Variants in ZDHHC14 observed in about 807,000 individuals in gnomAD.
The protein encoded by ZDHHC14 is zDHHC palmitoyltransferase 14, also known as palmitoyltransferase ZDHHC14.
Under a neutral mutation model 47.7 loss-of-function variants are expected in ZDHHC14, and 16 were observed. That is an observed-to-expected ratio of 0.34 (90% CI 0.23 to 0.51). The LOEUF is 0.51. Among genes scored for constraint, ZDHHC14 ranks in the 20% least tolerant of loss-of-function variants. The probability of loss-of-function intolerance (pLI) is 0.97; values close to 1 mark genes in which losing one functional copy is unlikely to be tolerated. For synonymous variants in ZDHHC14, 293 were observed against 278.9 expected (o/e 1.05, Z -0.50); for missense variants, 515 against 662.5 (o/e 0.78, Z 2.44).
intron 2 of ZDHHC14, among the ~76,000 whole-genome samples, chr6:157,572,909 A>G (rs969699860): frequency 1.3e-5 from 2 of 151,882 alleles, no homozygotes; most frequent in Non-Finnish European, 1.5e-5. Flanking sequence ...TCCCCCGTCA[A>G]TTCCTTGTTA....
intron 2 of ZDHHC14, among the ~76,000 whole-genome samples, chr6:157,568,440 A>G (rs1782984850): frequency 7.2e-6 from 1 of 138,232 alleles, no homozygotes; most frequent in South Asian, 2.4e-4. Context: ...TTGAAGGCAG[A>G]TTTTTTTTCC....
chr6:157,408,330 T>C (rs1182762702), intron 1 of ZDHHC14, among the ~76,000 whole-genome samples: 1 of 152,042 alleles, frequency 6.6e-6, no homozygotes, highest in South Asian at 2.1e-4. Context: ...CCGGGGTACA[T>C]GTGCAGGATG....
At chr6:157,669,876 G>A (rs1328451294) in intron 8 of ZDHHC14, among the ~76,000 whole-genome samples, 2 of 152,246 alleles carry the variant, frequency 1.3e-5, no homozygotes, top group Non-Finnish European at 2.9e-5. Context: ...AAATGGGAGT[G>A]CCGCTGCGGC....
At chr6:157,580,779 T>C (rs1025758610) in intron 2 of ZDHHC14, among the ~76,000 whole-genome samples, 2 of 152,036 alleles carry the variant, frequency 1.3e-5, no homozygotes, top group East Asian at 3.9e-4. Flanking sequence ...AATGCCCCCT[T>C]TGCCATTTCT....
In ZDHHC14 at chr6:157,673,349, A is replaced by C. The variant is rs879780361; in HGVS notation, c.*227A>C. 3.5e-5 allele frequency: 20 copies of C among 574,648 alleles called. No homozygotes were observed. The Admixed American group carries it at 5.1e-4, about 15-fold the overall frequency. 35.6% of individuals were successfully genotyped at this position (574,648 alleles called of 1,614,324 possible). ...TCCCCAACCTGAGTGCTTTGACAAC[A>C]ATGGAAATAGAGAAGTGGCTGCTTT... On this transcript the variant is annotated 3_prime_UTR_variant, in exon 9 of 9. Coordinates refer to ENST00000359775, the MANE Select transcript of ZDHHC14 (RefSeq NM_024630.3). The surrounding 1 kb of genome is among the most constrained non-coding windows in gnomAD (Gnocchi z 5.4).
At chr6:157,542,498 A>C (rs994189383) in intron 1 of ZDHHC14, 87 bp from the exon 2 acceptor site, 11 of 1,465,340 alleles carry the variant, frequency 7.5e-6, no homozygotes, top group Non-Finnish European at 1.0e-5. Context: ...TTGATTTCTT[A>C]GAAGATAAAG....
rs867753151 is a variant in ZDHHC14, at chr6:157,603,345, G to A, written c.565+10199G>A. 1.3e-4 allele frequency among the ~76,000 whole-genome samples: 20 copies of A among 152,336 alleles called. 1 individual carries two copies. In the Middle Eastern group the frequency reaches 0.02, roughly 155 times the overall value. ...TCATAAAGAAGTACTTGACAAGGTC[G>A]TAGCACTCAGGATGGTCATTTTAGA... On this transcript the variant is annotated intron_variant, in intron 3 of 8. Transcript: ENST00000359775.
chr6:157,565,323 G>T (rs1363818339), intron 2 of ZDHHC14, among the ~76,000 whole-genome samples: 1 of 152,190 alleles, frequency 6.6e-6, no homozygotes, highest in Admixed American at 6.5e-5. Flanking sequence ...TGTAATTAAT[G>T]GTGGACTGGA....
rs1466440230 is a variant in ZDHHC14 at position 157,502,175 on chromosome 6, T to A, written c.246-40410T>A. Among the ~76,000 whole-genome samples, 1 of 152,200 alleles carries A rather than the reference T, an allele frequency of 6.6e-6. No homozygotes were observed. The highest frequency in any genetic ancestry group is 1.5e-5 in the Non-Finnish European group (1 of 68,038). ...GTAACCAGCAGGACCAGTGGTCACATCTGGTGGAAAGGAGGCTGCAAAGTA... is the reference window on the plus strand; with the variant it reads ...GTAACCAGCAGGACCAGTGGTCACAACTGGTGGAAAGGAGGCTGCAAAGTA... On this transcript the variant is annotated intron_variant, in intron 1 of 8. Coordinates refer to ENST00000359775, the MANE Select transcript of ZDHHC14 (RefSeq NM_024630.3). This position sits in a 1 kb window ranked among gnomAD's most constrained non-coding sequence, Gnocchi z 4.0.
At chr6:157,418,122 A>G (rs1350247514) in intron 1 of ZDHHC14, among the ~76,000 whole-genome samples, 2 of 152,164 alleles carry the variant, frequency 1.3e-5, no homozygotes, top group Non-Finnish European at 2.9e-5. Flanking sequence ...CAGACCTGAC[A>G]TCAGGAAAAG....
intron 8 of ZDHHC14, among the ~76,000 whole-genome samples, chr6:157,657,054 A>T (rs1562533302): frequency 6.7e-6 from 1 of 148,702 alleles, no homozygotes; most frequent in East Asian, 2.0e-4. Context: ...GGGTATTTGT[A>T]TTTTTTTTTT....
intron 2 of ZDHHC14, among the ~76,000 whole-genome samples, chr6:157,570,322 C>G (rs768258385): frequency 6.6e-6 from 1 of 152,224 alleles, no homozygotes; most frequent in Non-Finnish European, 1.5e-5. Context: ...ACTTGTCTTA[C>G]AATAATGCAA....
chr6:157,650,490 C>G (rs572386264), intron 7 of ZDHHC14, among the ~76,000 whole-genome samples: 3 of 152,152 alleles, frequency 2.0e-5, no homozygotes, highest in South Asian at 4.2e-4. Context: ...GGGAGCCCAG[C>G]TGCTACATTA....
At chr6:157,634,456 T>C (rs1979935) in intron 5 of ZDHHC14, among the ~76,000 whole-genome samples, 89,930 of 152,064 alleles carry the variant, frequency 0.59, 28,252 homozygotes, top group East Asian at 0.88. Context: ...CTACCAGGGG[T>C]GACATCCCCC....
At chr6:157,543,066 C>T (rs1781835324) in intron 2 of ZDHHC14, among the ~76,000 whole-genome samples, 1 of 152,182 alleles carries the variant, frequency 6.6e-6, no homozygotes, top group Non-Finnish European at 1.5e-5. Flanking sequence ...CGAGAGATTA[C>T]AGTTGTAGGT....
chr6:157,638,602 C>T (rs1777093928), intron 5 of ZDHHC14, among the ~76,000 whole-genome samples: 1 of 152,216 alleles, frequency 6.6e-6, no homozygotes, highest in African/African-American at 2.4e-5. Context: ...ACTCAACAGC[C>T]ACCATGGGCA....
intron 1 of ZDHHC14, among the ~76,000 whole-genome samples, chr6:157,538,420 G>T (rs1375392988): frequency 6.6e-6 from 1 of 152,232 alleles, no homozygotes; most frequent in Non-Finnish European, 1.5e-5. Flanking sequence ...CAGGTCTGTG[G>T]TTGCTGAGGG....
rs902975371 is a variant in ZDHHC14, at chr6:157,674,058, A to G, written c.*936A>G. On this transcript the variant is annotated 3_prime_UTR_variant, in exon 9 of 9. Transcript: ENST00000359775. ...TGGTCCCCAGACAACCAAAAGTCAAATCTTTGAACTGGGAGATATTTATAG... is the reference window on the plus strand; with the variant it reads ...TGGTCCCCAGACAACCAAAAGTCAAGTCTTTGAACTGGGAGATATTTATAG... The G allele has an allele frequency of 2.6e-5, 4 of 152,644 alleles. No homozygotes were observed. The highest frequency in any genetic ancestry group is 9.7e-5 in the African/African-American group (4 of 41,450). 9.5% of individuals were successfully genotyped at this position (152,644 alleles called of 1,614,324 possible). A position where few individuals can be genotyped will look rare whatever the true frequency, so the allele number is the denominator to read the frequency against.
chr6:157,503,305 T>G (rs566770267), intron 1 of ZDHHC14, among the ~76,000 whole-genome samples: 1 of 152,198 alleles, frequency 6.6e-6, no homozygotes, highest in South Asian at 2.1e-4. Context: ...GTCAGACACA[T>G]CCTGGCTTCC....
Sources: gnomAD v4.1 joint callset for allele counts (sites outside exome capture counted in the v4.1 genomes callset) on GRCh38, gnomAD v4.1.1 for gene constraint, Gnocchi (gnomAD v3.1) non-coding constraint, MANE v1.5 for transcripts, NCBI Gene and HGNC (gene_info 2026-07-23, HGNC 2026-07-21) for gene names.